The following UTS2 variants were observed in gnomAD, a reference collection of about 807,000 sequenced individuals.
The protein encoded by UTS2 is urotensin-2.
A neutral mutation model predicts 12.6 loss-of-function variants in UTS2; 10 were observed. The ratio of observed to expected loss-of-function variants is 0.80; its 90% confidence interval spans 0.49 to 1.35. UTS2 has a LOEUF of 1.35. UTS2 is among the 40% of genes most tolerant of loss of function. The pLI is 0.00. For synonymous variants in UTS2, 52 were observed against 50.0 expected (o/e 1.04, Z -0.17); for missense variants, 142 against 143.2 (o/e 0.99, Z 0.04).
chr1:7,887,945 A>G, the UTS2 span, among the ~76,000 whole-genome samples: 1 of 152,194 alleles, frequency 6.6e-6, no homozygotes, highest in Non-Finnish European at 1.5e-5. Flanking sequence ...TGACCACAGC[A>G]GCACAAGGAG....
At chr1:7,851,050 T>G in intron 1 of UTS2, 128 bp from the exon 2 acceptor site, 1 of 803,662 alleles carries the variant, frequency 1.2e-6, no homozygotes, top group South Asian at 1.6e-5. Context: ...GCTGAGTTCA[T>G]GACGTGTCAT....
At chr1:7,880,473 C>T in the UTS2 span, among the ~76,000 whole-genome samples, 1 of 152,104 alleles carries the variant, frequency 6.6e-6, no homozygotes, top group East Asian at 1.9e-4. Context: ...ATCAAGGAGA[C>T]ATTACAACTG....
the UTS2 span, among the ~76,000 whole-genome samples, chr1:7,869,954 T>C: frequency 6.6e-6 from 1 of 152,226 alleles, no homozygotes; most frequent in African/African-American, 2.4e-5. Flanking sequence ...TGAAGTTAAA[T>C]GGAAATGAAA....
rs1417555918 is a variant in UTS2, at chr1:7,847,981, T to C, written c.259-99A>G. 20 of 837,498 alleles carry C rather than the reference T, an allele frequency of 2.4e-5. No homozygotes were observed. In the South Asian group the frequency reaches 2.7e-4, roughly 11 times the overall value. 51.9% of individuals were successfully genotyped at this position (837,498 alleles called of 1,614,324 possible). ...AAAAAGGAATCTTGAGTCAAGACAC[T>C]GGACTTCTTAAAAGTATTTGCATTT... On this transcript the variant is annotated intron_variant, in intron 3 of 3. Transcript: ENST00000361696.
chr1:7,855,172 A>G (rs1638281458), upstream of UTS2, among the ~76,000 whole-genome samples: 3 of 152,278 alleles, frequency 2.0e-5, no homozygotes, highest in South Asian at 6.2e-4. Context: ...AAAACAAACA[A>G]ACAAGTCATG....
the UTS2 span, among the ~76,000 whole-genome samples, chr1:7,875,160 C>A: frequency 6.6e-6 from 1 of 151,864 alleles, no homozygotes; most frequent in Non-Finnish European, 1.5e-5. Context: ...CTGCAAGCTC[C>A]GCCTCCCAGG....
chr1:7,902,494 TTTTC>T, the UTS2 span, among the ~76,000 whole-genome samples: 1 of 152,300 alleles, frequency 6.6e-6, no homozygotes, highest in East Asian at 1.9e-4. Context: ...TCCCCATACA[TTTTC>T]TTTCTTTTGG....
At chr1:7,849,798 A>C (rs1361614737) in intron 2 of UTS2, 115 bp from the exon 3 acceptor site, 1 of 892,044 alleles carries the variant, frequency 1.1e-6, no homozygotes, top group African/African-American at 1.7e-5. Flanking sequence ...CTTTTTCCAC[A>C]CTGCAGCAAG....
chr1:7,895,944 A>C, the UTS2 span, among the ~76,000 whole-genome samples: 3 of 152,180 alleles, frequency 2.0e-5, no homozygotes, highest in African/African-American at 7.2e-5. Context: ...CCAGTGCTGG[A>C]TATGCTAAAC....
chr1:7,861,472 G>A, the UTS2 span, among the ~76,000 whole-genome samples: 1 of 152,198 alleles, frequency 6.6e-6, no homozygotes, highest in Non-Finnish European at 1.5e-5. Flanking sequence ...CTAGAAAGGG[G>A]GCAGAGAAGA....
chr1:7,850,823 A>C lies in UTS2; in HGVS notation c.203T>G (p.Leu68Arg). The change falls in exon 2 of 4, where the codon CTC becomes CGC. Residue 68 changes from leucine (L) to arginine (R), a missense_variant. By Grantham distance (102) the Leu-to-Arg change is moderately radical. Transcript: ENST00000361696. Reference sequence around the variant, plus strand: ...GAGAAGCATTTTACCTGCTTTCCTGAGAATATCCCCTCTTTCTGCACCCAG... The same window carrying C: ...GAGAAGCATTTTACCTGCTTTCCTGCGAATATCCCCTCTTTCTGCACCCAG... ...EMLGAERGDI[L>R]RKADSSTNIF... 6.2e-7 allele frequency: 1 copy of C among 1,614,202 alleles called. No individual in the cohort carries two copies. The highest frequency in any genetic ancestry group is 8.5e-7 in the Non-Finnish European group (1 of 1,180,032).
the UTS2 span, among the ~76,000 whole-genome samples, chr1:7,904,926 G>T: frequency 3.4e-5 from 3 of 87,740 alleles, no homozygotes; most frequent in African/African-American, 1.3e-4. Flanking sequence ...AAAAAAAAAA[G>T]CCCACATAGA....
At chr1:7,903,022 TCCCCTCCTC>T in the UTS2 span, among the ~76,000 whole-genome samples, 1 of 69,162 alleles carries the variant, frequency 1.4e-5, no homozygotes, top group African/African-American at 1.2e-4. Context: ...TTCCCCTCCT[TCCCCTCCTC>T]CCCTCCTTCC....
At chr1:7,872,321 G>GAAAAAAAAAAAAAAA in the UTS2 span, among the ~76,000 whole-genome samples, 1 of 86,076 alleles carries the variant, frequency 1.2e-5, no homozygotes, top group African/African-American at 4.6e-5. Flanking sequence ...AAAAAAAAAG[G>GAAAAAAAAAAAAAAA]AAAAGAAAAA....
the UTS2 span, among the ~76,000 whole-genome samples, chr1:7,863,016 TTGTATTGTATTG>T: frequency 4.5e-5 from 1 of 22,428 alleles, no homozygotes; most frequent in African/African-American, 1.4e-4. Flanking sequence ...TTGTATTGTA[TTGTATTGTATTG>T]TATTGTATTG....
chr1:7,889,612 C>T, the UTS2 span, among the ~76,000 whole-genome samples: 1 of 151,776 alleles, frequency 6.6e-6, no homozygotes, highest in South Asian at 2.1e-4. Context: ...TGAGACCAGC[C>T]TGGCCAACAT....
chr1:7,892,327 G>A, the UTS2 span, among the ~76,000 whole-genome samples: 1 of 152,198 alleles, frequency 6.6e-6, no homozygotes, highest in South Asian at 2.1e-4. Context: ...AGGCTCCAGG[G>A]GAGCATCAGT....
the UTS2 span, among the ~76,000 whole-genome samples, chr1:7,886,933 C>T: frequency 6.2e-5 from 9 of 145,256 alleles, no homozygotes; most frequent in African/African-American, 2.3e-4. Context: ...CCCTGCTACT[C>T]GGGAGGCTGA....
the UTS2 span, among the ~76,000 whole-genome samples, chr1:7,893,029 C>T: frequency 6.6e-6 from 1 of 152,174 alleles, no homozygotes. Context: ...AGAGGCTATG[C>T]TTTCTTTATC....
Sources: gnomAD v4.1 joint callset for allele counts (sites outside exome capture counted in the v4.1 genomes callset) on GRCh38, gnomAD v4.1.1 for gene constraint, MANE v1.5 for transcripts, NCBI Gene and HGNC (gene_info 2026-07-23, HGNC 2026-07-21) for gene names.